Variants in KIF24 observed in about 807,000 individuals in gnomAD.
The protein encoded by KIF24 is kinesin-like protein KIF24.
A neutral mutation model predicts 118.9 loss-of-function variants in KIF24; 81 were observed. The ratio of observed to expected loss-of-function variants is 0.68; its 90% CI spans 0.57 to 0.82. The LOEUF (loss-of-function observed/expected upper bound fraction) is 0.82. KIF24 is among the 40% of genes least tolerant of loss of function. The pLI is 0.00. For synonymous variants in KIF24, 599 were observed against 610.0 expected, an observed-to-expected ratio of 0.98 and a Z score of 0.27; for missense variants, 1,560 against 1,661.6, an observed-to-expected ratio of 0.94 and a Z score of 1.06.
Position 34,290,341 on chromosome 9 carries a change from G to T in KIF24, c.960C>A (p.Thr320=). Residue 320 remains threonine, a synonymous_variant, in exon 5 of 13, where the codon ACC becomes ACA. Transcript: ENST00000402558. ...TCTCATGAGTTCCTATCATGGTGTA[G>T]GTCTTTCCAGCACCTGTCTGTCCAT... The part of the protein sequence containing the change: ...FAYGQTGAGK[T]YTMIGTHENP... 1 of 1,613,840 alleles carries T rather than the reference G, an allele frequency of 6.2e-7. No individual in the cohort carries two copies. Among genetic ancestry groups the T allele is most frequent in the Non-Finnish European group, 8.5e-7 (1 of 1,179,766 alleles).
At chr9:34,304,713 A>T (rs931758800) in intron 3 of KIF24, among the ~76,000 whole-genome samples, 1 of 152,234 alleles carries the variant, frequency 6.6e-6, no homozygotes, top group African/African-American at 2.4e-5. Flanking sequence ...TAGTACCAGT[A>T]GAAAGACTCA....
At position 34,318,961 on chromosome 9, in the gene KIF24, C is replaced by A; in HGVS notation, c.-25-7590G>T. ...TGCAGACCACCGACGGCAAGCTGCCCAAGGTCACCAAGGACATGGAGTGCA... is the reference window on the plus strand; with the variant it reads ...TGCAGACCACCGACGGCAAGCTGCCAAAGGTCACCAAGGACATGGAGTGCA... On this transcript the variant is annotated intron_variant, in intron 1 of 12. Transcript: ENST00000402558. This position sits in a 1 kb window ranked among gnomAD's most constrained non-coding sequence, Gnocchi z 4.9. The A allele has an allele frequency of 7.1e-7, 1 of 1,402,990 alleles. No individual in the cohort carries two copies. Among genetic ancestry groups the A allele is most frequent in the Non-Finnish European group, 1.0e-6 (1 of 993,990 alleles). The allele number at this position is 1,402,990 out of a possible 1,614,324, so 86.9% of individuals were successfully genotyped here.
At chr9:34,296,074 C>T (rs1391520113) in intron 4 of KIF24, among the ~76,000 whole-genome samples, 1 of 147,292 alleles carries the variant, frequency 6.8e-6, no homozygotes, top group East Asian at 2.1e-4. Flanking sequence ...AAAAAATTAG[C>T]CAGGCATGGT....
At chr9:34,262,033 G>C (rs899665907) in intron 9 of KIF24, among the ~76,000 whole-genome samples, 1 of 152,058 alleles carries the variant, frequency 6.6e-6, no homozygotes. Flanking sequence ...TCCAGGGCTC[G>C]AGTAATCCTC....
chr9:34,330,334 GGCGGAGCTTGCAGTGA>G (rs2131848877), upstream of KIF24, among the ~76,000 whole-genome samples: 1 of 152,338 alleles, frequency 6.6e-6, no homozygotes, highest in South Asian at 2.1e-4. Flanking sequence ...GAACCCAGGA[GGCGGAGCTTGCAGTGA>G]GCGGAGGTCG....
intron 1 of KIF24, among the ~76,000 whole-genome samples, chr9:34,316,032 C>T (rs1440246348): frequency 1.3e-4 from 19 of 150,032 alleles, no homozygotes; most frequent in Middle Eastern, 3.6e-3. Context: ...CTGTCACCCC[C>T]CCAAAAAAAA....
At position 34,306,436 on chromosome 9, in the gene KIF24, TTC is replaced by T; in HGVS notation, c.627_628del (p.Asn210HisfsTer10). Reference sequence around the variant, plus strand: ...CCAAGGATTCTGTTTCTCTGAAGTGTTCTGTCTAATATGTTTATAAACAGGCT... The same window carrying T: ...CCAAGGATTCTGTTTCTCTGAAGTGTTGTCTAATATGTTTATAAACAGGCT... On this transcript the variant is annotated frameshift_variant, in exon 3 of 13. Coordinates refer to ENST00000402558, the MANE Select transcript of KIF24 (RefSeq NM_194313.4). LOFTEE classifies it high-confidence loss of function. The T allele has an allele frequency of 6.3e-7, 1 of 1,593,096 alleles. No homozygotes were observed. Among genetic ancestry groups the T allele is most frequent in the Non-Finnish European group, 8.5e-7 (1 of 1,170,272 alleles).
At position 34,274,724 on chromosome 9, in the gene KIF24, GA is replaced by G. The variant is rs1192177489; in HGVS notation, c.1216-2795del. Among the ~76,000 whole-genome samples the G allele has an allele frequency of 7.0e-4, 6 of 8,586 alleles. 1 individual carries two copies. The highest frequency in any genetic ancestry group is 1.1e-3 in the African/African-American group (6 of 5,410). The allele number at this position is 8,586 out of a possible 152,430, so 5.6% of individuals were successfully genotyped here. On this transcript the variant is annotated intron_variant, in intron 6 of 12. Coordinates refer to ENST00000402558, the MANE Select transcript of KIF24 (RefSeq NM_194313.4). ...AACAAGAGCAAAATCTGTCTCCAAA[GA>G]AAAAAAAAAAGAGTAAAGTGAAAGA...
At chr9:34,270,252 C>T (rs551273275) in intron 7 of KIF24, among the ~76,000 whole-genome samples, 47 of 151,084 alleles carry the variant, frequency 3.1e-4, no homozygotes, top group African/African-American at 1.1e-3. Flanking sequence ...CATGGTGGCT[C>T]ATGCCTGTAA....
upstream of KIF24, among the ~76,000 whole-genome samples, chr9:34,330,708 T>TC (rs1215172671): frequency 4.6e-5 from 7 of 152,178 alleles, no homozygotes; most frequent in East Asian, 1.3e-3. Flanking sequence ...ACGCCTGTAA[T>TC]CCTAGCCCTT....
At chr9:34,322,025 A>G (rs1837541956) in intron 1 of KIF24, among the ~76,000 whole-genome samples, 1 of 152,204 alleles carries the variant, frequency 6.6e-6, no homozygotes, top group Non-Finnish European at 1.5e-5. Flanking sequence ...GATTATCTTC[A>G]TATTTTGCAG....
intron 2 of KIF24, among the ~76,000 whole-genome samples, chr9:34,307,412 A>C (rs1256740098): frequency 2.0e-5 from 3 of 152,106 alleles, no homozygotes; most frequent in South Asian, 2.1e-4. Context: ...AAAAAAAAAA[A>C]AACCAGCAAA....
chr9:34,328,921 T>C (rs770399459), intron 1 of KIF24, among the ~76,000 whole-genome samples, 185 bp downstream of exon 1: 2 of 152,060 alleles, frequency 1.3e-5, no homozygotes, highest in Non-Finnish European at 2.9e-5. Context: ...GGCAGAGATA[T>C]GGGGATGAAA....
intron 6 of KIF24, among the ~76,000 whole-genome samples, chr9:34,283,691 T>C (rs1274658145): frequency 1.3e-5 from 2 of 151,772 alleles, no homozygotes; most frequent in Non-Finnish European, 2.9e-5. Context: ...AATATACAAA[T>C]CGACAAGGAA....
chr9:34,329,587 CCTT>C (rs1259791419), upstream of KIF24: 1 of 152,322 alleles, frequency 6.6e-6, no homozygotes, highest in African/African-American at 2.4e-5. Context: ...CCTCCTACCT[CCTT>C]CTGCTTCGGG....
At chr9:34,294,576 T>TGA (rs1836389459) in intron 4 of KIF24, among the ~76,000 whole-genome samples, 2 of 152,192 alleles carry the variant, frequency 1.3e-5, no homozygotes, top group South Asian at 4.1e-4. Flanking sequence ...CATACTTTAT[T>TGA]CATAAAGTCC....
chr9:34,275,838 A>T (rs569974221), intron 6 of KIF24, among the ~76,000 whole-genome samples: 1 of 148,558 alleles, frequency 6.7e-6, no homozygotes, highest in South Asian at 2.1e-4. Flanking sequence ...GTGTCTGTCT[A>T]AAAAAAAAAA....
In KIF24 at chr9:34,318,376, C is replaced by A; in HGVS notation, c.-25-7005G>T. On this transcript the variant is annotated intron_variant, in intron 1 of 12. Coordinates refer to ENST00000402558, the MANE Select transcript of KIF24 (RefSeq NM_194313.4). This position sits in a 1 kb window ranked among gnomAD's most constrained non-coding sequence, Gnocchi z 4.9. Reference sequence around the variant, plus strand: ...CTTGACCTAGCCCTGACAGGTCCATCGTGGTGCACGCAAACCACCTCCCAG... The same window carrying A: ...CTTGACCTAGCCCTGACAGGTCCATAGTGGTGCACGCAAACCACCTCCCAG... 2.0e-6 allele frequency: 1 copy of A among 510,960 alleles called. No homozygotes were observed. The highest frequency in any genetic ancestry group is 3.8e-6 in the Non-Finnish European group (1 of 264,878). The allele number at this position is 510,960 out of a possible 1,614,324, so 31.7% of individuals were successfully genotyped here.
intron 2 of KIF24, among the ~76,000 whole-genome samples, chr9:34,307,322 G>A (rs187840308): frequency 5.5e-4 from 83 of 151,840 alleles, no homozygotes; most frequent in Middle Eastern, 6.8e-3. Context: ...ATTTTGGCCT[G>A]TCAAAGTGCT....
Sources: allele counts gnomAD v4.1 joint callset (sites outside exome capture counted in the v4.1 genomes callset), GRCh38; gene constraint gnomAD v4.1.1; non-coding constraint Gnocchi (gnomAD v3.1); transcripts MANE v1.5; gene names NCBI Gene and HGNC (gene_info 2026-07-23, HGNC 2026-07-21).